Variants in PMS1 observed in about 807,000 individuals in gnomAD.
The protein encoded by PMS1 is PMS1 homolog 1, mismatch repair system component, also known as PMS1 protein homolog 1.
In PMS1, 79 loss-of-function variants were observed where a neutral mutation model predicts 93.1. That is an observed-to-expected ratio of 0.85 (90% CI 0.71 to 1.02). The LOEUF is 1.02. Among genes scored for constraint, PMS1 ranks in the 50% least tolerant of loss-of-function variants. PMS1 has a pLI of 0.00. For synonymous variants in PMS1, 335 were observed against 363.4 expected (o/e 0.92, Z 0.89); for missense variants, 1,064 against 1,085.3 (o/e 0.98, Z 0.28).
intron 1 of PMS1, among the ~76,000 whole-genome samples, chr2:189,790,931 G>A (rs142122470): frequency 7.2e-5 from 11 of 152,252 alleles, no homozygotes; most frequent in South Asian, 2.1e-4. Flanking sequence ...AATTATACCC[G>A]GAGTTTGAGC....
intron 5 of PMS1, among the ~76,000 whole-genome samples, chr2:189,824,854 A>T (rs2052283536): frequency 6.6e-6 from 1 of 151,864 alleles, no homozygotes; most frequent in African/African-American, 2.4e-5. Context: ...ATATTGTTAA[A>T]CCTCCCAAAA....
intron 6 of PMS1, among the ~76,000 whole-genome samples, chr2:189,847,015 C>T (rs1404655240): frequency 6.6e-6 from 1 of 151,922 alleles, no homozygotes; most frequent in Non-Finnish European, 1.5e-5. Flanking sequence ...GTGCGCACCA[C>T]CACATCCGAC....
chr2:189,875,156 T>G (rs971523710), intron 12 of PMS1, among the ~76,000 whole-genome samples: 5 of 150,584 alleles, frequency 3.3e-5, no homozygotes, highest in African/African-American at 1.2e-4. Context: ...AGGAAGGAAG[T>G]AAATTTAAGA....
chr2:189,839,359 TC>T (rs1356986906), intron 5 of PMS1, among the ~76,000 whole-genome samples: 1 of 152,232 alleles, frequency 6.6e-6, no homozygotes, highest in Non-Finnish European at 1.5e-5. Flanking sequence ...TTGCCAAAGA[TC>T]TTTTTCTAAT....
chr2:189,865,953 A>G (rs2056622447), intron 10 of PMS1, among the ~76,000 whole-genome samples: 1 of 152,228 alleles, frequency 6.6e-6, no homozygotes, highest in Non-Finnish European at 1.5e-5. Flanking sequence ...GGAGGAGAAA[A>G]AAACAGGGAC....
intron 4 of PMS1, among the ~76,000 whole-genome samples, chr2:189,817,738 C>T (rs2051450823): frequency 1.3e-5 from 2 of 152,286 alleles, no homozygotes; most frequent in South Asian, 4.1e-4. Flanking sequence ...TCTTATGATA[C>T]TGCGTTCTTG....
rs190643726 is a variant in PMS1, at chr2:189,812,920, G to C, written c.419-5097G>C. On this transcript the variant is annotated intron_variant, in intron 4 of 12. Transcript: ENST00000441310. The stretch of plus-strand genomic sequence containing the variant: ...TGAAGGGCCTTTTATATCATACCAG[G>C]TAGTTTGTACCTTACCATTATGAGC... Among the ~76,000 whole-genome samples the C allele has an allele frequency of 2.4e-4, 36 of 152,244 alleles. No individual in the cohort carries two copies. In the East Asian group the frequency reaches 6.6e-3, roughly 28 times the overall value.
intron 9 of PMS1, among the ~76,000 whole-genome samples, chr2:189,862,055 T>A (rs949292548): frequency 9.2e-5 from 14 of 152,176 alleles, no homozygotes; most frequent in African/African-American, 3.4e-4. Flanking sequence ...TCAACCCTAA[T>A]TTCTTCACAT....
chr2:189,854,878 C>T lies in PMS1; in HGVS notation c.1606C>T (p.Pro536Ser), dbSNP rs201236867. The change falls in exon 9 of 13, where the codon CCT (proline) becomes TCT (serine). Residue 536 changes from proline to serine, a missense_variant. Physicochemically the swap from Pro to Ser is moderately conservative, Grantham distance 74 (BLOSUM62 -1). Transcript: ENST00000441310. ...CKVSNNNYPI[P>S]EQMNLNEDSC... ...AGTAAGTAATAATAATTATCCAATC[C>T]CTGAACAAATGAATCTTAATGAAGA... The T allele has an allele frequency of 5.0e-6, 8 of 1,607,622 alleles. No individual in the cohort carries two copies. Among genetic ancestry groups the T allele is most frequent in the Non-Finnish European group, 6.0e-6 (7 of 1,174,960 alleles).
At chr2:189,841,560 G>T (rs76902589) in intron 5 of PMS1, among the ~76,000 whole-genome samples, 18 of 152,066 alleles carry the variant, frequency 1.2e-4, no homozygotes, top group Admixed American at 7.9e-4. Context: ...GCTAGTTAGA[G>T]AACATGAGTC....
intron 5 of PMS1, among the ~76,000 whole-genome samples, chr2:189,837,146 T>C (rs6753164): frequency 0.2 from 29,864 of 151,744 alleles, 3,082 homozygotes; most frequent in African/African-American, 0.25. Context: ...AGGTACACTT[T>C]TTGTGAATAA....
At position 189,872,495 on chromosome 2, in the gene PMS1, C is replaced by T. The variant is rs138201547; in HGVS notation, c.2474-1001C>T. Among the ~76,000 whole-genome samples the T allele has an allele frequency of 1.1e-3, 166 of 152,336 alleles. 1 individual carries two copies. The highest frequency in any genetic ancestry group is 5.6e-3 in the South Asian group (27 of 4,822). On this transcript the variant is annotated intron_variant, in intron 11 of 12. Coordinates refer to ENST00000441310, the MANE Select transcript of PMS1 (RefSeq NM_000534.5). ...ATGAAAGAACACTGTTACACCGATA[C>T]AGCCAAAGAAGACACATCTTTGCTA... is the stretch of plus-strand genomic sequence containing the variant.
intron 1 of PMS1, among the ~76,000 whole-genome samples, chr2:189,787,817 G>A (rs1278366154): frequency 6.6e-6 from 1 of 152,038 alleles, no homozygotes; most frequent in African/African-American, 2.4e-5. Context: ...ATAAAATGGA[G>A]ACAATACAGA....
chr2:189,832,981 C>G (rs897639984), intron 5 of PMS1, among the ~76,000 whole-genome samples: 2 of 152,088 alleles, frequency 1.3e-5, no homozygotes. Context: ...GTGTCAAGAC[C>G]AACCATCTCC....
At chr2:189,807,239 T>C (rs2050422247) in intron 4 of PMS1, among the ~76,000 whole-genome samples, 1 of 152,166 alleles carries the variant, frequency 6.6e-6, no homozygotes. Context: ...CCTAAGACAA[T>C]GCACATTTTT....
At chr2:189,873,678 T>C in intron 12 of PMS1, 22 bp downstream of exon 12, 2 of 1,561,230 alleles carry the variant, frequency 1.3e-6, no homozygotes, top group South Asian at 2.2e-5. Flanking sequence ...TTTATATATA[T>C]GTTATTGTAT....
intron 9 of PMS1, among the ~76,000 whole-genome samples, chr2:189,857,854 A>G (rs971530739): frequency 8.5e-5 from 13 of 152,130 alleles, no homozygotes; most frequent in Admixed American, 8.5e-4. Flanking sequence ...GGGACAGGTA[A>G]TGCTTCCCTG....
chr2:189,786,720 G>T (rs1024132151), intron 1 of PMS1, among the ~76,000 whole-genome samples: 4 of 152,184 alleles, frequency 2.6e-5, no homozygotes, highest in Non-Finnish European at 4.4e-5. Context: ...TCTCATGTTG[G>T]CTATTACTTT....
In PMS1 at chr2:189,868,797, C is replaced by T. The variant is rs1195700845; in HGVS notation, c.2473+868C>T. On this transcript the variant is annotated intron_variant, in intron 11 of 12. Coordinates refer to ENST00000441310, the MANE Select transcript of PMS1 (RefSeq NM_000534.5). The stretch of plus-strand genomic sequence containing the variant: ...AATACTTTGGTGTCCCAAACATAAA[C>T]TAATTTTACTTGATTTTTGTGATTT... 2.6e-5 allele frequency among the ~76,000 whole-genome samples: 4 copies of T among 152,136 alleles called. No homozygotes were observed. The South Asian group carries it at 6.2e-4, about 24-fold the overall frequency.
Sources: gnomAD v4.1 joint callset for allele counts (sites outside exome capture counted in the v4.1 genomes callset) on GRCh38, gnomAD v4.1.1 for gene constraint, MANE v1.5 for transcripts, NCBI Gene and HGNC (gene_info 2026-07-23, HGNC 2026-07-21) for gene names.